Variants in CLRN1 observed in about 807,000 individuals in gnomAD.
CLRN1 encodes clarin 1.
A neutral mutation model predicts 18.7 loss-of-function variants in CLRN1; 15 were observed. That is an observed-to-expected ratio of 0.80 (90% CI 0.54 to 1.23). The LOEUF (loss-of-function observed/expected upper bound fraction) is 1.23. Ranked by LOEUF, CLRN1 falls within the 50% of genes most tolerant of loss-of-function variation. The pLI is 0.00. For synonymous variants in CLRN1, 104 were observed against 102.9 expected (o/e 1.01, Z -0.07); for missense variants, 311 against 277.5 (o/e 1.12, Z -0.86).
At chr3:150,959,057 A>G (rs1714895738) in intron 1 of CLRN1, among the ~76,000 whole-genome samples, 1 of 152,224 alleles carries the variant, frequency 6.6e-6, no homozygotes, top group Non-Finnish European at 1.5e-5. Flanking sequence ...TATAAAGTTC[A>G]AACTTACTTG....
chr3:150,955,704 C>T (rs1422540524), intron 1 of CLRN1, among the ~76,000 whole-genome samples: 1 of 152,130 alleles, frequency 6.6e-6, no homozygotes, highest in African/African-American at 2.4e-5. Flanking sequence ...ATTCGTTGCA[C>T]ACCTGAACAT....
At chr3:150,971,677 T>C (rs1392028177) in intron 1 of CLRN1, among the ~76,000 whole-genome samples, 3 of 152,242 alleles carry the variant, frequency 2.0e-5, no homozygotes, top group African/African-American at 7.2e-5. Flanking sequence ...ATGTGTGTTG[T>C]AAGAGATATA....
chr3:150,931,015 C>T (rs905032719), intron 2 of CLRN1, among the ~76,000 whole-genome samples: 2 of 152,140 alleles, frequency 1.3e-5, no homozygotes, highest in South Asian at 2.1e-4. Flanking sequence ...GGGTTGATCA[C>T]GAGGTCAACG....
chr3:150,926,912 A>AT lies in CLRN1; in HGVS notation c.*1023_*1024insA. ...GATGGGTAATTCAGGGGAAAAAAAA[A>AT]GTTGACCTGGGTCATGCTTGGTGAC... On this transcript the variant is annotated 3_prime_UTR_variant, in exon 3 of 3. Transcript: ENST00000327047. The AT allele has an allele frequency of 6.2e-7, 1 of 1,614,120 alleles. No homozygotes were observed. Among genetic ancestry groups the AT allele is most frequent in the Non-Finnish European group, 8.5e-7 (1 of 1,180,002 alleles).
intron 1 of CLRN1, among the ~76,000 whole-genome samples, chr3:150,967,094 T>C (rs1287279461): frequency 6.6e-6 from 1 of 152,178 alleles, no homozygotes; most frequent in Non-Finnish European, 1.5e-5. Flanking sequence ...ATTTCAATAG[T>C]GTCAGTTTAC....
At chr3:150,970,228 G>C (rs2107993410) in intron 1 of CLRN1, among the ~76,000 whole-genome samples, 1 of 152,222 alleles carries the variant, frequency 6.6e-6, no homozygotes, top group East Asian at 1.9e-4. Flanking sequence ...ATTTCTATCA[G>C]GAAGAATATC....
At chr3:150,971,154 T>C (rs1298912733) in intron 1 of CLRN1, among the ~76,000 whole-genome samples, 1 of 152,216 alleles carries the variant, frequency 6.6e-6, no homozygotes, top group Non-Finnish European at 1.5e-5. Context: ...CCTTTTCGGT[T>C]TTTTAATACA....
chr3:150,964,690 T>C (rs1336132075), intron 1 of CLRN1, among the ~76,000 whole-genome samples: 2 of 152,088 alleles, frequency 1.3e-5, no homozygotes, highest in Middle Eastern at 6.3e-3. Flanking sequence ...ATTAAGAAAA[T>C]GTGGCACATG....
intron 1 of CLRN1, among the ~76,000 whole-genome samples, chr3:150,949,232 A>G (rs1325669450): frequency 6.6e-6 from 1 of 152,246 alleles, no homozygotes; most frequent in Non-Finnish European, 1.5e-5. Context: ...GCCATATATG[A>G]CAAACCACCA....
intron 1 of CLRN1, among the ~76,000 whole-genome samples, chr3:150,944,810 G>A (rs764675977): frequency 1.3e-5 from 2 of 152,108 alleles, no homozygotes; most frequent in East Asian, 3.9e-4. Flanking sequence ...CTGAGCAACT[G>A]AATAAATGGT....
intron 2 of CLRN1, among the ~76,000 whole-genome samples, chr3:150,936,784 T>G (rs978435638): frequency 6.6e-6 from 1 of 152,180 alleles, no homozygotes; most frequent in Non-Finnish European, 1.5e-5. Flanking sequence ...CCTCATTTTT[T>G]CCTTGTGCCA....
chr3:150,961,791 GA>G (rs1715051029), intron 1 of CLRN1, among the ~76,000 whole-genome samples: 1 of 152,148 alleles, frequency 6.6e-6, no homozygotes, highest in Admixed American at 6.5e-5. Flanking sequence ...CAGTCATTAT[GA>G]AAATCCAGTA....
At chr3:150,942,962 G>A (rs552970589) in intron 1 of CLRN1, among the ~76,000 whole-genome samples, 3 of 152,144 alleles carry the variant, frequency 2.0e-5, no homozygotes, top group Non-Finnish European at 4.4e-5. Context: ...AAGGCTGCCT[G>A]GAGGAGCACT....
downstream of CLRN1, chr3:150,926,454 C>T: frequency 2.8e-6 from 1 of 360,062 alleles, no homozygotes; most frequent in South Asian, 2.2e-5. Context: ...TAAAGACTTA[C>T]AGAACCGGGC....
Position 150,945,797 on chromosome 3 carries a change from G to C in CLRN1, c.254-4036C>G, listed in dbSNP as rs1162785100. 1.0e-5 allele frequency: 5 copies of C among 479,912 alleles called. No homozygotes were observed. The East Asian group carries it at 3.9e-4, about 37-fold the overall frequency. The allele number at this position is 479,912 out of a possible 1,614,324, so 29.7% of individuals were successfully genotyped here. On this transcript the variant is annotated intron_variant, in intron 1 of 2. Transcript: ENST00000327047. ...GTGTTAGCTAGGGTATGGGGAAATG[G>C]GGACCCTTGTGCATTTTTCTTGGGA...
At chr3:150,968,463 G>A (rs1222013791) in intron 1 of CLRN1, among the ~76,000 whole-genome samples, 1 of 152,200 alleles carries the variant, frequency 6.6e-6, no homozygotes, top group Non-Finnish European at 1.5e-5. Context: ...TGACCCATAA[G>A]TGGATGAGAA....
rs372938584 is a variant in CLRN1 at position 150,935,310 on chromosome 3, A to AC, written c.433+6271dup. On this transcript the variant is annotated intron_variant, in intron 2 of 2. Coordinates refer to ENST00000327047, the MANE Select transcript of CLRN1 (RefSeq NM_174878.3). ...CCCTCCCCCCTCTTCCCACCCCACA[A>AC]CAGTCCCCAGTGTGTGATGTTCCCC... Among the ~76,000 whole-genome samples, 130 of 110,496 alleles carry AC rather than the reference A, an allele frequency of 1.2e-3. 1 individual carries two copies. Among genetic ancestry groups the AC allele is most frequent in the African/African-American group, 4.1e-3 (129 of 31,562 alleles). 72.5% of individuals were successfully genotyped at this position (110,496 alleles called of 152,430 possible).
chr3:150,971,570 C>A (rs571979203), intron 1 of CLRN1, among the ~76,000 whole-genome samples: 17 of 152,162 alleles, frequency 1.1e-4, no homozygotes, highest in African/African-American at 3.9e-4. Context: ...CAGTTGGTAA[C>A]CTCCTTTCCT....
chr3:150,929,060 CT>C (rs1287265333), intron 2 of CLRN1, among the ~76,000 whole-genome samples: 2 of 152,210 alleles, frequency 1.3e-5, no homozygotes, highest in African/African-American at 4.8e-5. Context: ...ATCCCAGATC[CT>C]TGGAGCCTCT....
Sources: gnomAD v4.1 joint callset for allele counts (sites outside exome capture counted in the v4.1 genomes callset) on GRCh38, gnomAD v4.1.1 for gene constraint, MANE v1.5 for transcripts, NCBI Gene and HGNC (gene_info 2026-07-23, HGNC 2026-07-21) for gene names.